The following VWC2L variants were observed in gnomAD, a reference collection of about 807,000 sequenced individuals.
VWC2L encodes the protein von Willebrand factor C domain containing 2 like, also known as von Willebrand factor C domain-containing protein 2-like.
A neutral mutation model predicts 21.6 loss-of-function variants in VWC2L; 10 were observed. That is an observed-to-expected ratio of 0.46 (90% CI 0.29 to 0.78). The LOEUF (loss-of-function observed/expected upper bound fraction) is 0.78. Ranked by LOEUF, VWC2L falls within the 30% of genes least tolerant of loss-of-function variation. VWC2L has a pLI of 0.10. For synonymous variants in VWC2L, 96 were observed against 94.3 expected (o/e 1.02, Z -0.10); for missense variants, 209 against 277.1 (o/e 0.75, Z 1.74).
chr2:214,516,156 A>C (rs530415057), intron 3 of VWC2L, among the ~76,000 whole-genome samples: 2 of 151,996 alleles, frequency 1.3e-5, no homozygotes, highest in African/African-American at 2.4e-5. Flanking sequence ...CCATACGGGG[A>C]GTATTTACAC....
chr2:214,448,861 C>T (rs1702912350), intron 3 of VWC2L, among the ~76,000 whole-genome samples: 1 of 152,190 alleles, frequency 6.6e-6, no homozygotes, highest in Admixed American at 6.5e-5. Flanking sequence ...AAAAGGGCAG[C>T]TGTTCCCTTA....
chr2:214,548,990 A>T (rs1689751786), intron 3 of VWC2L, among the ~76,000 whole-genome samples: 1 of 152,190 alleles, frequency 6.6e-6, no homozygotes, highest in Non-Finnish European at 1.5e-5. Flanking sequence ...GAAACCAAGC[A>T]GTTGGCAAGA....
At chr2:214,530,252 C>T (rs1454962550) in intron 3 of VWC2L, among the ~76,000 whole-genome samples, 1 of 152,170 alleles carries the variant, frequency 6.6e-6, no homozygotes, top group Admixed American at 6.6e-5. Flanking sequence ...ACAGCACCAC[C>T]GTTACCACAG....
intron 3 of VWC2L, among the ~76,000 whole-genome samples, chr2:214,467,509 C>T (rs929113579): frequency 1.3e-5 from 2 of 152,074 alleles, no homozygotes; most frequent in Non-Finnish European, 2.9e-5. Flanking sequence ...TATTAGTTAC[C>T]CATCTCTCAG....
chr2:214,470,325 C>T (rs1156762138), intron 3 of VWC2L, among the ~76,000 whole-genome samples: 1 of 151,496 alleles, frequency 6.6e-6, no homozygotes, highest in Non-Finnish European at 1.5e-5. Flanking sequence ...TCCTCATTCT[C>T]GGGGTCCCAT....
chr2:214,571,510 T>C (rs1187422883), intron 3 of VWC2L, among the ~76,000 whole-genome samples: 1 of 152,214 alleles, frequency 6.6e-6, no homozygotes, highest in Non-Finnish European at 1.5e-5. Flanking sequence ...AGGCTTGATA[T>C]ATAAAGCCTG....
intron 3 of VWC2L, among the ~76,000 whole-genome samples, chr2:214,501,944 A>AAC (rs1479909975): frequency 1.3e-5 from 2 of 152,120 alleles, no homozygotes; most frequent in Admixed American, 6.6e-5. Flanking sequence ...CTCCCCACCG[A>AAC]CTCACCTGCT....
At chr2:214,474,778 G>A (rs774791479) in intron 3 of VWC2L, among the ~76,000 whole-genome samples, 1 of 152,098 alleles carries the variant, frequency 6.6e-6, no homozygotes, top group Non-Finnish European at 1.5e-5. Flanking sequence ...GATTAAATGA[G>A]ATAGCATATG....
At chr2:214,417,999 A>T (rs1294322124) in intron 2 of VWC2L, among the ~76,000 whole-genome samples, 1 of 151,992 alleles carries the variant, frequency 6.6e-6, no homozygotes, top group Admixed American at 6.6e-5. Flanking sequence ...AAATCCCTCA[A>T]ACTCTTGGTG....
intron 3 of VWC2L, among the ~76,000 whole-genome samples, chr2:214,528,091 C>T (rs1457572178): frequency 6.6e-6 from 1 of 152,172 alleles, no homozygotes; most frequent in Non-Finnish European, 1.5e-5. Context: ...ACTTTGTACT[C>T]AAAGTTCTAT....
At chr2:214,438,711 T>G (rs1702718146) in intron 3 of VWC2L, among the ~76,000 whole-genome samples, 1 of 152,068 alleles carries the variant, frequency 6.6e-6, no homozygotes, top group South Asian at 2.1e-4. Flanking sequence ...CTTAATTTGA[T>G]GTCGCCCAAG....
intron 3 of VWC2L, among the ~76,000 whole-genome samples, chr2:214,569,618 G>A (rs1459554862): frequency 6.6e-6 from 1 of 152,082 alleles, no homozygotes; most frequent in East Asian, 1.9e-4. Context: ...GTACATAACT[G>A]TCCCAACTTG....
At chr2:214,561,542 G>A (rs902892145) in intron 3 of VWC2L, among the ~76,000 whole-genome samples, 2 of 152,066 alleles carry the variant, frequency 1.3e-5, no homozygotes, top group African/African-American at 4.8e-5. Context: ...TTGGGAAGCT[G>A]AGATGGGCCA....
At chr2:214,531,287 G>A (rs1689431654) in intron 3 of VWC2L, among the ~76,000 whole-genome samples, 1 of 152,158 alleles carries the variant, frequency 6.6e-6, no homozygotes, top group Admixed American at 6.5e-5. Context: ...TGTGTGGACT[G>A]TGTTAGTCCA....
intron 3 of VWC2L, among the ~76,000 whole-genome samples, chr2:214,454,671 T>C (rs1377648328): frequency 7.1e-6 from 1 of 140,586 alleles, no homozygotes; most frequent in Non-Finnish European, 1.5e-5. Context: ...TAGTGCAATC[T>C]TGGCTTACTG....
chr2:214,530,016 A>G (rs1689408681), intron 3 of VWC2L, among the ~76,000 whole-genome samples: 2 of 152,236 alleles, frequency 1.3e-5, no homozygotes, highest in Admixed American at 1.3e-4. Flanking sequence ...TTCAGGTTTC[A>G]CAGCAGCAGC....
chr2:214,558,242 C>G (rs544593525), intron 3 of VWC2L, among the ~76,000 whole-genome samples: 11 of 152,218 alleles, frequency 7.2e-5, no homozygotes, highest in Admixed American at 2.6e-4. Context: ...TCTGTCTTCC[C>G]TTAAATGACA....
intron 3 of VWC2L, among the ~76,000 whole-genome samples, chr2:214,552,537 A>T (rs1425742167): frequency 1.3e-5 from 2 of 152,190 alleles, no homozygotes; most frequent in East Asian, 3.9e-4. Flanking sequence ...TTCTAGTAGT[A>T]TTGGACACCT....
rs1459739148 is a variant in VWC2L, at chr2:214,436,690, A to G, written c.452A>G (p.Asp151Gly). ...AATGAAGTTCACTGTGTTGTAGCAG[A>G]CTGCGCAGTTCCTGAGTGTGTCAAC... is the stretch of plus-strand genomic sequence containing the variant. ...PSNEVHCVVA[D>G]CAVPECVNPV... Residue 151 changes from aspartate (D) to glycine (G), a missense_variant, in exon 3 of 4, where the codon GAC (aspartate) becomes GGC (glycine). By Grantham distance (94) the Asp-to-Gly change is moderately conservative (BLOSUM62 -1). Coordinates refer to ENST00000312504, the MANE Select transcript of VWC2L (RefSeq NM_001080500.4). 6.2e-7 allele frequency: 1 copy of G among 1,613,456 alleles called. No homozygotes were observed. The highest frequency in any genetic ancestry group is 1.1e-5 in the South Asian group (1 of 91,076).
Sources: allele counts gnomAD v4.1 joint callset (sites outside exome capture counted in the v4.1 genomes callset), GRCh38; gene constraint gnomAD v4.1.1; transcripts MANE v1.5; gene names NCBI Gene and HGNC (gene_info 2026-07-23, HGNC 2026-07-21).